The following GABRA2 variants were observed in gnomAD, a reference collection of about 807,000 sequenced individuals.
The protein encoded by GABRA2 is gamma-aminobutyric acid type A receptor subunit alpha2, also known as gamma-aminobutyric acid receptor subunit alpha-2.
A neutral mutation model predicts 48.7 loss-of-function variants in GABRA2; 16 were observed. The observed-to-expected ratio is 0.33, with a 90% confidence interval of 0.22 to 0.50. The LOEUF is 0.50. Among genes scored for constraint, GABRA2 ranks in the 20% least tolerant of loss-of-function variants. The pLI is 0.98. For missense variants in GABRA2, 275 were observed against 535.6 expected (o/e 0.51, Z 4.80); for synonymous variants, 185 against 184.5 (o/e 1.00, Z -0.02).
intron 6 of GABRA2, among the ~76,000 whole-genome samples, chr4:46,306,436 T>C (rs1024428662): frequency 9.9e-5 from 15 of 152,170 alleles, no homozygotes; most frequent in African/African-American, 4.8e-5. Context: ...AGAAGTAAGA[T>C]GACTTCAGAG....
intron 8 of GABRA2, among the ~76,000 whole-genome samples, chr4:46,279,102 C>T (rs530329): frequency 0.61 from 93,117 of 151,824 alleles, 29,053 homozygotes; most frequent in South Asian, 0.76. Context: ...CTTTGTGCGC[C>T]GTGTTTCCCA....
chr4:46,274,004 C>A (rs1027060180), intron 8 of GABRA2, among the ~76,000 whole-genome samples: 3 of 152,012 alleles, frequency 2.0e-5, no homozygotes, highest in African/African-American at 7.2e-5. Flanking sequence ...GCTCCTATAG[C>A]TATAAGCGGG....
intron 8 of GABRA2, among the ~76,000 whole-genome samples, chr4:46,284,095 A>C (rs1019377475): frequency 2.1e-5 from 3 of 140,754 alleles, no homozygotes; most frequent in African/African-American, 8.0e-5. Flanking sequence ...AAAAAAAAAA[A>C]CTCTGTTATA....
At chr4:46,297,792 G>A (rs896254207) in intron 8 of GABRA2, among the ~76,000 whole-genome samples, 1 of 151,046 alleles carries the variant, frequency 6.6e-6, no homozygotes, top group South Asian at 2.1e-4. Flanking sequence ...ACTGTCTTTG[G>A]GTTTAGTTTG....
Position 46,294,607 on chromosome 4 carries a change from C to A in GABRA2, c.856+8853G>T, listed in dbSNP as rs202060839. 7.2e-5 allele frequency among the ~76,000 whole-genome samples: 11 copies of A among 152,326 alleles called. No individual in the cohort carries two copies. The East Asian group carries it at 2.1e-3, about 29-fold the overall frequency. ...CTGCCACTTGGGCCATATGACCTAG[C>A]AGATCCAATGATGCTTGAGGTGTCA... On this transcript the variant is annotated intron_variant, in intron 8 of 9. Coordinates refer to ENST00000381620, the MANE Select transcript of GABRA2 (RefSeq NM_000807.4).
rs576117808 is a variant in GABRA2, at chr4:46,379,346, C to T, written c.187+6728G>A. Among the ~76,000 whole-genome samples, 5 of 152,284 alleles carry T rather than the reference C, an allele frequency of 3.3e-5. No individual in the cohort carries two copies. In the South Asian group the frequency reaches 1.0e-3, roughly 32 times the overall value. On this transcript the variant is annotated intron_variant, in intron 3 of 9. Coordinates refer to ENST00000381620, the MANE Select transcript of GABRA2 (RefSeq NM_000807.4). ...GCTGTGTCCACAAGTCTCCAGCCTC[C>T]CCAATGGCATCCCACTTCAGGCACC...
intron 3 of GABRA2, among the ~76,000 whole-genome samples, chr4:46,344,645 G>A (rs1476657913): frequency 6.6e-6 from 1 of 151,700 alleles, no homozygotes; most frequent in East Asian, 1.9e-4. Flanking sequence ...CAATGACAGA[G>A]GAAAATTTTC....
intron 8 of GABRA2, among the ~76,000 whole-genome samples, chr4:46,273,486 T>TGC (rs1719811251): frequency 3.3e-5 from 1 of 30,302 alleles, no homozygotes; most frequent in African/African-American, 1.4e-4. Flanking sequence ...TATATATGCA[T>TGC]ATATATATAT....
chr4:46,293,719 G>A (rs1577939464), intron 8 of GABRA2, among the ~76,000 whole-genome samples: 1 of 152,292 alleles, frequency 6.6e-6, no homozygotes, highest in Middle Eastern at 3.4e-3. Flanking sequence ...AGCCATTAGA[G>A]CTGCCTCTAC....
At chr4:46,348,430 T>C (rs1055141293) in intron 3 of GABRA2, among the ~76,000 whole-genome samples, 2 of 152,014 alleles carry the variant, frequency 1.3e-5, no homozygotes, top group African/African-American at 4.8e-5. Flanking sequence ...ACTGGGCATA[T>C]AACCAAAGGA....
rs533981722 is a variant in GABRA2, at chr4:46,287,892, A to G, written c.856+15568T>C. 2.0e-5 allele frequency among the ~76,000 whole-genome samples: 3 copies of G among 152,284 alleles called. No individual in the cohort carries two copies. In the South Asian group the frequency reaches 6.2e-4, roughly 32 times the overall value. ...GCCAATCTACAAAATAAAGAGGTTT[A>G]ATGGACTTACAGTTCCACTTGGTTG... On this transcript the variant is annotated intron_variant, in intron 8 of 9. Transcript: ENST00000381620.
At chr4:46,315,948 C>T (rs1728483779) in intron 4 of GABRA2, among the ~76,000 whole-genome samples, 1 of 151,496 alleles carries the variant, frequency 6.6e-6, no homozygotes, top group African/African-American at 2.4e-5. Flanking sequence ...TATATACACA[C>T]ACACACACAC....
At position 46,248,017 on chromosome 4, in the gene GABRA2, G is replaced by A. The variant is rs1037904884; in HGVS notation, c.*2291C>T. Among the ~76,000 whole-genome samples the A allele has an allele frequency of 6.6e-6, 1 of 151,234 alleles. No individual in the cohort carries two copies. The highest frequency in any genetic ancestry group is 2.4e-5 in the African/African-American group (1 of 41,308). On this transcript the variant is annotated 3_prime_UTR_variant, in exon 10 of 10. Coordinates refer to ENST00000381620, the MANE Select transcript of GABRA2 (RefSeq NM_000807.4). ...TAAGAATAACAGTGATAAGTTTTCT[G>A]GTCAATCTGCCATAAATGCTAATAA...
At chr4:46,302,338 G>A (rs549707974) in intron 8 of GABRA2, among the ~76,000 whole-genome samples, 10 of 152,148 alleles carry the variant, frequency 6.6e-5, no homozygotes, top group African/African-American at 2.4e-4. Context: ...AGGACTACAG[G>A]CATGAGGCAT....
chr4:46,327,688 T>A (rs1172827230), intron 4 of GABRA2, among the ~76,000 whole-genome samples: 4 of 152,020 alleles, frequency 2.6e-5, no homozygotes, highest in Non-Finnish European at 5.9e-5. Flanking sequence ...CTAATTAATA[T>A]CCCAGTAGCT....
At position 46,265,444 on chromosome 4, in the gene GABRA2, TTG is replaced by T. The variant is rs1413354156; in HGVS notation, c.857-3318_857-3317del. 9.5e-5 allele frequency among the ~76,000 whole-genome samples: 13 copies of T among 137,562 alleles called. No homozygotes were observed. In the Admixed American group the frequency reaches 9.7e-4, roughly 10 times the overall value. The allele number at this position is 137,562 out of a possible 152,430, so 90.2% of individuals were successfully genotyped here. ...ATATTGTGTATATATATATAATATATTGTGTATATATATAATATATATATAAT... is the reference window on the plus strand; with the variant it reads ...ATATTGTGTATATATATATAATATATTGTATATATATAATATATATATAAT... On this transcript the variant is annotated intron_variant, in intron 8 of 9. Transcript: ENST00000381620.
chr4:46,365,163 T>G (rs1713847195), intron 3 of GABRA2: 1 of 152,172 alleles, frequency 6.6e-6, no homozygotes, highest in Non-Finnish European at 1.5e-5. Flanking sequence ...ATCATTTATT[T>G]GACTGCTCAG....
intron 8 of GABRA2, among the ~76,000 whole-genome samples, chr4:46,271,868 A>G (rs1577848963): frequency 6.6e-6 from 1 of 151,918 alleles, no homozygotes; most frequent in East Asian, 1.9e-4. Flanking sequence ...ATTGGCATCA[A>G]TGTGAAGCTG....
chr4:46,293,847 G>A (rs960815641), intron 8 of GABRA2, among the ~76,000 whole-genome samples: 2 of 152,180 alleles, frequency 1.3e-5, no homozygotes, highest in Non-Finnish European at 2.9e-5. Context: ...CCCCATTCAA[G>A]TCTCCTATTT....
Sources: allele counts gnomAD v4.1 joint callset (sites outside exome capture counted in the v4.1 genomes callset), GRCh38; gene constraint gnomAD v4.1.1; transcripts MANE v1.5; gene names NCBI Gene and HGNC (gene_info 2026-07-23, HGNC 2026-07-21).